HAT1: variants seen among roughly 807,000 people sequenced by gnomAD.
The protein encoded by HAT1 is histone acetyltransferase type B catalytic subunit.
HAT1 carries 20 observed loss-of-function variants against 56.6 expected under a neutral mutation model. The observed-to-expected ratio is 0.35, with a 90% CI of 0.25 to 0.51. The LOEUF (loss-of-function observed/expected upper bound fraction) is 0.51. Among genes scored for constraint, HAT1 ranks in the 20% least tolerant of loss-of-function variants. HAT1 has a pLI of 0.95. For missense variants in HAT1, 408 were observed against 504.3 expected (o/e 0.81, Z 1.83); for synonymous variants, 146 against 165.5 (o/e 0.88, Z 0.91).
chr2:171,961,888 CTTGT>C (rs1485780350), intron 4 of HAT1, among the ~76,000 whole-genome samples: 1 of 110,000 alleles, frequency 9.1e-6, no homozygotes, highest in Non-Finnish European at 2.2e-5. Flanking sequence ...ATTTCTTTTG[CTTGT>C]TTTTTTTTTT....
intron 9 of HAT1, among the ~76,000 whole-genome samples, chr2:171,977,543 ATATATATATATATATTTTTTTTT>A (rs1688010280): frequency 7.2e-5 from 1 of 13,846 alleles, no homozygotes. Context: ...ATATATATAT[ATATATATATATATATTTTTTTTT>A]TTTTTTTTTT....
At chr2:171,974,442 T>C (rs6433319) in intron 8 of HAT1, among the ~76,000 whole-genome samples, 100,235 of 152,010 alleles carry the variant, frequency 0.66, 33,623 homozygotes, top group South Asian at 0.73. Flanking sequence ...TATCCTGCAC[T>C]CTTACTGAAC....
chr2:171,938,762 A>G (rs1686941006), intron 2 of HAT1, among the ~76,000 whole-genome samples: 1 of 151,200 alleles, frequency 6.6e-6, no homozygotes, highest in Non-Finnish European at 1.5e-5. Flanking sequence ...TTTTTTTGAG[A>G]CAGGGTCTTG....
At chr2:171,971,184 C>G (rs1253952892) in intron 8 of HAT1, among the ~76,000 whole-genome samples, 1 of 152,084 alleles carries the variant, frequency 6.6e-6, no homozygotes, top group African/African-American at 2.4e-5. Context: ...GGTGACAGAG[C>G]GAGACTCCGT....
chr2:171,970,875 A>G (rs1056140435), intron 8 of HAT1, among the ~76,000 whole-genome samples: 3 of 150,742 alleles, frequency 2.0e-5, no homozygotes, highest in Admixed American at 2.0e-4. Flanking sequence ...AAAAACTGAC[A>G]TTGGATAAGC....
At chr2:171,959,876 A>G (rs1558973915) in intron 4 of HAT1, among the ~76,000 whole-genome samples, 1 of 152,240 alleles carries the variant, frequency 6.6e-6, no homozygotes, top group African/African-American at 2.4e-5. Context: ...GGAACCAGCC[A>G]TGTTATAATC....
intron 3 of HAT1, among the ~76,000 whole-genome samples, chr2:171,952,084 A>T (rs1387266480): frequency 6.6e-6 from 1 of 152,244 alleles, no homozygotes; most frequent in Non-Finnish European, 1.5e-5. Context: ...CAATTCATTT[A>T]TTTAAAGTGT....
At chr2:171,928,974 C>T (rs548580420) in intron 2 of HAT1, among the ~76,000 whole-genome samples, 3 of 152,162 alleles carry the variant, frequency 2.0e-5, no homozygotes, top group Admixed American at 2.0e-4. Flanking sequence ...TTTGCTGGGT[C>T]AATAGGGTAT....
At chr2:171,973,400 CAAAAAAAA>C (rs67088559) in intron 8 of HAT1, among the ~76,000 whole-genome samples, 1 of 133,626 alleles carries the variant, frequency 7.5e-6, no homozygotes, top group Non-Finnish European at 1.6e-5. Flanking sequence ...CCAATTTCTG[CAAAAAAAA>C]AAAAAAAAAG....
At chr2:171,983,065 TG>T in intron 10 of HAT1, 119 bp from the exon 11 acceptor site, 1 of 552,618 alleles carries the variant, frequency 1.8e-6, no homozygotes, top group Non-Finnish European at 3.1e-6. Context: ...AAAAACATTG[TG>T]GGACAAGTTT....
At chr2:171,981,589 G>A (rs970885423) in intron 10 of HAT1, among the ~76,000 whole-genome samples, 1 of 152,012 alleles carries the variant, frequency 6.6e-6, no homozygotes, top group African/African-American at 2.4e-5. Flanking sequence ...ATTTGTCATT[G>A]TAATTCTGTT....
At chr2:171,925,217 C>T (rs892715026) in intron 1 of HAT1, among the ~76,000 whole-genome samples, 4 of 151,840 alleles carry the variant, frequency 2.6e-5, no homozygotes, top group Admixed American at 2.0e-4. Flanking sequence ...GGATTACAGG[C>T]GCCCGTCACC....
At chr2:171,945,704 T>G (rs1412419272) in intron 2 of HAT1, among the ~76,000 whole-genome samples, 3 of 152,064 alleles carry the variant, frequency 2.0e-5, no homozygotes, top group Non-Finnish European at 4.4e-5. Context: ...AGTCTCGCTC[T>G]CTTGGCCAGG....
chr2:171,950,493 T>C (rs1420609425), intron 3 of HAT1, among the ~76,000 whole-genome samples: 2 of 151,424 alleles, frequency 1.3e-5, no homozygotes, highest in East Asian at 3.9e-4. Context: ...ATTTAATGTG[T>C]GGCTTTTTTT....
chr2:171,965,397 G>C lies in HAT1; in HGVS notation c.369G>C (p.Thr123=), dbSNP rs144253277. The C allele has an allele frequency of 6.2e-7, 1 of 1,612,022 alleles. No individual in the cohort carries two copies. The highest frequency in any genetic ancestry group is 8.5e-7 in the Non-Finnish European group (1 of 1,178,430). The part of the protein sequence containing the change: ...QIIPPGFCTN[T]NDFLSLLEKE... ...TTCCACCTGGATTTTGCACAAACAC[G>C]AATGATTTCCTTTCTTTACTGGAAA... is the stretch of plus-strand genomic sequence containing the variant. The change falls in exon 5 of 11, where the codon ACG becomes ACC. Residue 123 remains threonine (T), a synonymous_variant. Coordinates refer to ENST00000264108, the MANE Select transcript of HAT1 (RefSeq NM_003642.4).
chr2:171,976,872 G>C (rs755344165), intron 9 of HAT1, among the ~76,000 whole-genome samples: 5 of 152,134 alleles, frequency 3.3e-5, no homozygotes, highest in Non-Finnish European at 7.4e-5. Flanking sequence ...GTAGGATTTG[G>C]ATTATGAAAG....
At chr2:171,982,421 C>G (rs1366290047) in intron 10 of HAT1, among the ~76,000 whole-genome samples, 3 of 152,164 alleles carry the variant, frequency 2.0e-5, no homozygotes, top group Non-Finnish European at 2.9e-5. Flanking sequence ...CTAAATCTGC[C>G]CTGTCCTCTC....
At chr2:171,936,520 GTA>G in intron 2 of HAT1, among the ~76,000 whole-genome samples, 1 of 152,262 alleles carries the variant, frequency 6.6e-6, no homozygotes, top group East Asian at 1.9e-4. Flanking sequence ...AATTAGATGA[GTA>G]TTTTTATACT....
At chr2:171,961,691 T>C (rs1237610192) in intron 4 of HAT1, among the ~76,000 whole-genome samples, 4 of 152,216 alleles carry the variant, frequency 2.6e-5, no homozygotes. Context: ...TAAAAGTATA[T>C]ATTGACAAGT....
Sources: allele counts gnomAD v4.1 joint callset (sites outside exome capture counted in the v4.1 genomes callset), GRCh38; gene constraint gnomAD v4.1.1; transcripts MANE v1.5; gene names NCBI Gene and HGNC (gene_info 2026-07-23, HGNC 2026-07-21).